Variants in DGKB observed in about 807,000 individuals in gnomAD.
DGKB encodes diacylglycerol kinase beta, also known as 90 kDa diacylglycerol kinase.
DGKB carries 67 observed loss-of-function variants against 114.3 expected under a neutral mutation model. The ratio of observed to expected loss-of-function variants is 0.59; its 90% CI spans 0.48 to 0.72. The LOEUF (loss-of-function observed/expected upper bound fraction) is 0.72. Ranked by LOEUF, DGKB falls within the 30% of genes least tolerant of loss-of-function variation. The probability of loss-of-function intolerance (pLI) is 0.00; values close to 1 mark genes in which losing one functional copy is unlikely to be tolerated. For synonymous variants in DGKB, 398 were observed against 323.1 expected, an observed-to-expected ratio of 1.23 and a Z score of -2.49; for missense variants, 907 against 975.2, an observed-to-expected ratio of 0.93 and a Z score of 0.93.
chr7:14,717,778 T>C (rs957915291), intron 6 of DGKB, among the ~76,000 whole-genome samples: 4 of 152,056 alleles, frequency 2.6e-5, no homozygotes, highest in African/African-American at 9.7e-5. Context: ...ATTTATCAGG[T>C]TATTGAGTAA....
chr7:14,939,134 C>T (rs776412033), intron 1 of DGKB, among the ~76,000 whole-genome samples: 41 of 151,948 alleles, frequency 2.7e-4, no homozygotes, highest in Non-Finnish European at 5.1e-4. Context: ...GTGCCTCTGC[C>T]TATATTACCC....
intron 20 of DGKB, among the ~76,000 whole-genome samples, chr7:14,493,925 T>TACACACACACACACACAC (rs372780599): frequency 1.5e-5 from 2 of 137,630 alleles, no homozygotes; most frequent in East Asian, 2.1e-4. Context: ...CATGGTATCA[T>TACACACACACACACACAC]ACACACACAC....
chr7:14,647,887 A>G (rs10267926), intron 13 of DGKB, among the ~76,000 whole-genome samples: 3,320 of 152,318 alleles, frequency 0.022, 113 homozygotes, highest in African/African-American at 0.076. Flanking sequence ...GGTGACGGAC[A>G]GCACCTGGAA....
intron 21 of DGKB, among the ~76,000 whole-genome samples, chr7:14,474,389 T>C (rs1409691911): frequency 6.6e-6 from 1 of 152,200 alleles, no homozygotes; most frequent in African/African-American, 2.4e-5. Context: ...GTAAGTCCAA[T>C]AAACCTTTCT....
intron 21 of DGKB, among the ~76,000 whole-genome samples, chr7:14,378,183 A>G (rs1245699518): frequency 6.6e-6 from 1 of 152,164 alleles, no homozygotes; most frequent in Non-Finnish European, 1.5e-5. Flanking sequence ...AGACAAATGC[A>G]TTTGATTCTA....
At chr7:14,228,385 G>A (rs188542474) in intron 23 of DGKB, among the ~76,000 whole-genome samples, 1 of 151,944 alleles carries the variant, frequency 6.6e-6, no homozygotes, top group Non-Finnish European at 1.5e-5. Flanking sequence ...TATTTTAGTT[G>A]CTGTAACTTT....
intron 22 of DGKB, among the ~76,000 whole-genome samples, chr7:14,339,370 T>C (rs1811231930): frequency 1.9e-5 from 1 of 52,360 alleles, no homozygotes; most frequent in Admixed American, 1.7e-4. Flanking sequence ...GGTAGATTGA[T>C]TGAGGGAAAT....
intron 21 of DGKB, 138 bp from the exon 22 acceptor site, chr7:14,345,529 T>C (rs954639115): frequency 9.2e-6 from 5 of 542,158 alleles, no homozygotes; most frequent in African/African-American, 1.9e-5. Context: ...TAGATGGTCA[T>C]ATAATTTTCA....
chr7:14,584,743 C>T (rs947432956), intron 17 of DGKB, among the ~76,000 whole-genome samples: 1 of 152,002 alleles, frequency 6.6e-6, no homozygotes, highest in East Asian at 1.9e-4. Flanking sequence ...ACTGCAACCT[C>T]CTCCTCCTGG....
intron 1 of DGKB, among the ~76,000 whole-genome samples, chr7:14,960,415 C>T (rs543061918): frequency 1.6e-4 from 24 of 151,876 alleles, no homozygotes; most frequent in Non-Finnish European, 2.4e-4. Flanking sequence ...CATTTATATA[C>T]TAAAACTACA....
chr7:14,710,503 C>T (rs564830078), intron 6 of DGKB, among the ~76,000 whole-genome samples: 5 of 152,148 alleles, frequency 3.3e-5, no homozygotes, highest in South Asian at 4.1e-4. Context: ...TGCCTTATTG[C>T]CATGAGCAAT....
intron 2 of DGKB, among the ~76,000 whole-genome samples, chr7:14,840,744 A>ACACACACACACC (rs1554298987): frequency 1.2e-3 from 145 of 116,280 alleles, no homozygotes; most frequent in Non-Finnish European, 2.2e-3. Context: ...ACACACACAC[A>ACACACACACACC]CCTCTCCCTT....
At position 14,169,097 on chromosome 7, in the gene DGKB, C is replaced by A. The variant is rs371090227; in HGVS notation, c.2304+7742G>T. On this transcript the variant is annotated intron_variant, in intron 25 of 25. Transcript: ENST00000402815. The stretch of plus-strand genomic sequence containing the variant: ...ACCATGGGCCGGGTGCAGTGGCTCA[C>A]GCCTGTAATCCCAGCACTTTGGGAG... Among the ~76,000 whole-genome samples, 4 of 151,772 alleles carry A rather than the reference C, an allele frequency of 2.6e-5. No homozygotes were observed. The East Asian group carries it at 7.8e-4, about 30-fold the overall frequency.
chr7:14,180,339 C>A (rs1051905138), intron 23 of DGKB, among the ~76,000 whole-genome samples: 2 of 152,140 alleles, frequency 1.3e-5, no homozygotes, highest in African/African-American at 4.8e-5. Context: ...TCTGTCTACA[C>A]CCACACCATA....
At chr7:14,439,090 A>G (rs1829692991) in intron 21 of DGKB, among the ~76,000 whole-genome samples, 2 of 152,024 alleles carry the variant, frequency 1.3e-5, no homozygotes, top group Admixed American at 1.3e-4. Flanking sequence ...TCTTTACAAA[A>G]CAGACAAACA....
chr7:14,172,467 A>G (rs1781141670), intron 25 of DGKB, among the ~76,000 whole-genome samples: 1 of 152,172 alleles, frequency 6.6e-6, no homozygotes, highest in Admixed American at 6.5e-5. Flanking sequence ...GATTCCAGAA[A>G]TAGGTCATAT....
intron 16 of DGKB, among the ~76,000 whole-genome samples, chr7:14,611,908 C>T (rs1285029574): frequency 2.0e-5 from 3 of 151,424 alleles, no homozygotes; most frequent in Non-Finnish European, 4.4e-5. Flanking sequence ...CTCATCTAAT[C>T]CTTTGTGGAA....
intron 13 of DGKB, among the ~76,000 whole-genome samples, chr7:14,640,883 GGT>G (rs1811646622): frequency 6.6e-6 from 1 of 152,114 alleles, no homozygotes; most frequent in South Asian, 2.1e-4. Flanking sequence ...AATGTCTAGT[GGT>G]GGTTAAGAAT....
intron 21 of DGKB, among the ~76,000 whole-genome samples, chr7:14,437,667 GA>G (rs1397656521): frequency 2.6e-5 from 4 of 151,636 alleles, no homozygotes; most frequent in Admixed American, 2.0e-4. Context: ...TCAAGACAGA[GA>G]ATTGTCTTCA....
Sources: gnomAD v4.1 joint callset for allele counts (sites outside exome capture counted in the v4.1 genomes callset) on GRCh38, gnomAD v4.1.1 for gene constraint, MANE v1.5 for transcripts, NCBI Gene and HGNC (gene_info 2026-07-23, HGNC 2026-07-21) for gene names.